Variants in SMCO4 observed in about 807,000 individuals in gnomAD.
The protein encoded by SMCO4 is single-pass membrane and coiled-coil domain-containing protein 4.
In SMCO4, 4 loss-of-function variants were observed where a neutral mutation model predicts 3.6. The observed-to-expected ratio is 1.11, with a 90% CI of 0.54 to 2.53. The LOEUF (loss-of-function observed/expected upper bound fraction) is 2.53. SMCO4 is among the 30% of genes most tolerant of loss of function. The pLI, the probability that SMCO4 is intolerant of heterozygous loss-of-function variation, is 0.02. For missense variants in SMCO4, 70 were observed against 80.8 expected, an observed-to-expected ratio of 0.87 and a Z score of 0.51; for synonymous variants, 36 against 35.3, an observed-to-expected ratio of 1.02 and a Z score of -0.07.
At chr11:93,509,177 G>A (rs1471897699) in intron 1 of SMCO4, among the ~76,000 whole-genome samples, 1 of 151,756 alleles carries the variant, frequency 6.6e-6, no homozygotes, top group Non-Finnish European at 1.5e-5. Context: ...TATAGTCTCA[G>A]ATACTCGGGA....
chr11:93,479,507 G>C (rs986424144), intron 2 of SMCO4, among the ~76,000 whole-genome samples: 7 of 152,170 alleles, frequency 4.6e-5, no homozygotes, highest in Non-Finnish European at 8.8e-5. Context: ...CAAAGCCCTG[G>C]GTACCAGACA....
rs1948553414 is a variant in SMCO4, at chr11:93,478,935, A to G, written c.*75T>C. On this transcript the variant is annotated 3_prime_UTR_variant, in exon 3 of 3. Transcript: ENST00000298966. ...AGCAACATGAACATCTCTGAATATG[A>G]AAGCCATTTTTTGTTTGCGTCCCCC... The G allele has an allele frequency of 1.3e-6, 2 of 1,514,198 alleles. No individual in the cohort carries two copies. The highest frequency in any genetic ancestry group is 1.3e-5 in the South Asian group (1 of 78,780). 93.8% of individuals were successfully genotyped at this position (1,514,198 alleles called of 1,614,324 possible).
chr11:93,539,405 A>C (rs1397715574), intron 1 of SMCO4, among the ~76,000 whole-genome samples: 1 of 152,248 alleles, frequency 6.6e-6, no homozygotes, highest in Non-Finnish European at 1.5e-5. Context: ...AAGAGAAGGA[A>C]AACAGTACAT....
chr11:93,500,919 G>GC (rs1948830469), intron 1 of SMCO4, among the ~76,000 whole-genome samples: 2 of 152,122 alleles, frequency 1.3e-5, no homozygotes, highest in South Asian at 4.1e-4. Flanking sequence ...GCAGCTTGTC[G>GC]CCCCAGGGGC....
upstream of SMCO4, among the ~76,000 whole-genome samples, chr11:93,544,800 G>A (rs191094925): frequency 2.0e-5 from 3 of 152,294 alleles, no homozygotes; most frequent in Admixed American, 6.5e-5. Context: ...CACATTGGGA[G>A]ATCATTCATG....
chr11:93,534,399 CAT>C (rs1381554288), intron 1 of SMCO4, among the ~76,000 whole-genome samples: 1 of 86,448 alleles, frequency 1.2e-5, no homozygotes, highest in Non-Finnish European at 2.8e-5. Flanking sequence ...GAGAGAGATA[CAT>C]ATATATATGG....
At chr11:93,545,894 T>G (rs1189709624), upstream of SMCO4, among the ~76,000 whole-genome samples, 1 of 152,152 alleles carries the variant, frequency 6.6e-6, no homozygotes, top group Non-Finnish European at 1.5e-5. Context: ...ATCCTGAGAC[T>G]GCCATGAAGA....
intron 1 of SMCO4, among the ~76,000 whole-genome samples, chr11:93,509,127 C>CAA (rs59961622): frequency 7.2e-6 from 1 of 138,662 alleles, no homozygotes; most frequent in Non-Finnish European, 1.6e-5. Flanking sequence ...CTGTCTCTAC[C>CAA]AAAAAAAAAA....
At chr11:93,545,588 CAAAAAA>C (rs143549634), upstream of SMCO4, among the ~76,000 whole-genome samples, 3 of 85,974 alleles carry the variant, frequency 3.5e-5, no homozygotes, top group Admixed American at 1.5e-4. Context: ...AACTCTGTCT[CAAAAAA>C]AAAAAAAAAA....
intron 2 of SMCO4, among the ~76,000 whole-genome samples, chr11:93,483,109 G>T (rs1291420045): frequency 1.3e-5 from 2 of 152,136 alleles, no homozygotes; most frequent in Non-Finnish European, 2.9e-5. Flanking sequence ...GCGAGGGGTG[G>T]CTCCGTACTG....
chr11:93,534,025 T>C (rs1949188279), intron 1 of SMCO4, among the ~76,000 whole-genome samples: 1 of 151,792 alleles, frequency 6.6e-6, no homozygotes. Flanking sequence ...ACCCCATCTC[T>C]ACTAAAAATA....
intron 1 of SMCO4, among the ~76,000 whole-genome samples, chr11:93,537,636 G>A (rs569518078): frequency 6.6e-6 from 1 of 152,070 alleles, no homozygotes; most frequent in East Asian, 1.9e-4. Context: ...AGGTAGGCAT[G>A]ACAGCTCATA....
chr11:93,529,785 C>T (rs921513487), intron 1 of SMCO4, among the ~76,000 whole-genome samples: 5 of 152,240 alleles, frequency 3.3e-5, no homozygotes, highest in African/African-American at 1.2e-4. Flanking sequence ...AGGCCAGGCC[C>T]GCTGAGGGCC....
At chr11:93,542,309 G>C (rs1037283006) in intron 1 of SMCO4, among the ~76,000 whole-genome samples, 1 of 152,224 alleles carries the variant, frequency 6.6e-6, no homozygotes, top group African/African-American at 2.4e-5. Flanking sequence ...TGGGGATCTA[G>C]AGGTGTCACT....
intron 1 of SMCO4, among the ~76,000 whole-genome samples, chr11:93,526,530 C>T (rs1346839880): frequency 1.3e-5 from 2 of 152,174 alleles, no homozygotes; most frequent in Non-Finnish European, 2.9e-5. Flanking sequence ...CATTATACTT[C>T]ACCAGTGAAG....
At chr11:93,511,765 G>T (rs1379943300) in intron 1 of SMCO4, among the ~76,000 whole-genome samples, 1 of 151,820 alleles carries the variant, frequency 6.6e-6, no homozygotes, top group Non-Finnish European at 1.5e-5. Context: ...ACAAATTATT[G>T]TCAAAAAAAA....
chr11:93,543,196 T>A (rs1949286432), intron 1 of SMCO4, 80 bp downstream of exon 1: 1 of 122,696 alleles, frequency 8.2e-6, no homozygotes, highest in Non-Finnish European at 1.9e-5. Context: ...CCCCGCCCGG[T>A]GCCCGGTGCC....
At chr11:93,511,712 T>C (rs1948958893) in intron 1 of SMCO4, among the ~76,000 whole-genome samples, 1 of 152,150 alleles carries the variant, frequency 6.6e-6, no homozygotes, top group African/African-American at 2.4e-5. Context: ...CATGCTACTC[T>C]ACACTGGAAT....
chr11:93,523,217 G>C (rs1949075311), intron 1 of SMCO4: 2 of 151,862 alleles, frequency 1.3e-5, no homozygotes, highest in South Asian at 2.1e-4. Flanking sequence ...TAGGAGGATT[G>C]CCTGTCCCAG....
Sources: gnomAD v4.1 joint callset for allele counts (sites outside exome capture counted in the v4.1 genomes callset) on GRCh38, gnomAD v4.1.1 for gene constraint, MANE v1.5 for transcripts, NCBI Gene and HGNC (gene_info 2026-07-23, HGNC 2026-07-21) for gene names.